The following SLC15A1 variants were observed in gnomAD, a reference collection of about 807,000 sequenced individuals.
SLC15A1 encodes the protein solute carrier family 15 member 1.
In SLC15A1, 83 loss-of-function variants were observed where a neutral mutation model predicts 92.9. The observed-to-expected ratio is 0.89, with a 90% CI of 0.75 to 1.07. SLC15A1 has a LOEUF of 1.07. SLC15A1 is among the 50% of genes least tolerant of loss of function. SLC15A1 has a pLI of 0.00. For synonymous variants in SLC15A1, 322 were observed against 318.2 expected (o/e 1.01, Z -0.13); for missense variants, 857 against 880.1 (o/e 0.97, Z 0.33).
chr13:98,692,730 G>C (rs1052505374), intron 18 of SLC15A1, among the ~76,000 whole-genome samples: 3 of 152,034 alleles, frequency 2.0e-5, no homozygotes, highest in South Asian at 2.1e-4. Context: ...AATGAATAAG[G>C]GTACTAATTT....
chr13:98,688,397 T>A, intron 19 of SLC15A1, 41 bp from the exon 20 acceptor site: 1 of 1,606,098 alleles, frequency 6.2e-7, no homozygotes, highest in Non-Finnish European at 8.5e-7. Flanking sequence ...ATTCTTGGCA[T>A]TAAAAATTTC....
intron 18 of SLC15A1, among the ~76,000 whole-genome samples, chr13:98,690,654 G>T (rs368779630): frequency 6.6e-6 from 1 of 152,146 alleles, no homozygotes; most frequent in African/African-American, 2.4e-5. Context: ...TGGGGTCTGG[G>T]AAATGCGTCC....
intron 18 of SLC15A1, among the ~76,000 whole-genome samples, chr13:98,697,636 T>TA (rs903323424): frequency 9.9e-5 from 14 of 140,852 alleles, no homozygotes; most frequent in East Asian, 4.2e-4. Flanking sequence ...TTTTTTTTTT[T>TA]AAATCTTTTA....
intron 7 of SLC15A1, 73 bp from the exon 8 acceptor site, chr13:98,719,393 C>T (rs2139589945): frequency 9.3e-7 from 1 of 1,072,598 alleles, no homozygotes; most frequent in Non-Finnish European, 1.4e-6. Context: ...TGTAAAGATC[C>T]CTCACTGATA....
chr13:98,726,046 G>C, intron 4 of SLC15A1, 77 bp downstream of exon 4: 1 of 1,542,444 alleles, frequency 6.5e-7, no homozygotes, highest in Non-Finnish European at 8.8e-7. Context: ...ATCATTCCCA[G>C]ATTCCACCAT....
intron 17 of SLC15A1, 77 bp from the exon 18 acceptor site, chr13:98,702,606 C>T: frequency 8.2e-7 from 1 of 1,226,004 alleles, no homozygotes; most frequent in Non-Finnish European, 1.2e-6. Flanking sequence ...ATATTTCAGT[C>T]TTTGAGAAGG....
chr13:98,688,886 T>G (rs116635650), intron 18 of SLC15A1, among the ~76,000 whole-genome samples: 2,686 of 152,310 alleles, frequency 0.018, 98 homozygotes, highest in African/African-American at 0.062. Context: ...AAGTAGATAC[T>G]GAGCCTCTTC....
intron 16 of SLC15A1, among the ~76,000 whole-genome samples, chr13:98,704,691 C>A (rs1168693763): frequency 1.3e-5 from 2 of 152,104 alleles, no homozygotes; most frequent in Non-Finnish European, 2.9e-5. Context: ...TTGCTTTTAT[C>A]AAAAATAAAT....
chr13:98,718,680 G>T (rs919637755), intron 8 of SLC15A1, among the ~76,000 whole-genome samples: 15 of 152,120 alleles, frequency 9.9e-5, no homozygotes, highest in African/African-American at 3.6e-4. Context: ...GTGGTGGCCG[G>T]TGCCTGTAAT....
intron 1 of SLC15A1, among the ~76,000 whole-genome samples, chr13:98,742,158 C>G (rs1271998031): frequency 6.6e-6 from 1 of 152,200 alleles, no homozygotes; most frequent in African/African-American, 2.4e-5. Context: ...TCCCTCAGGA[C>G]CCCCGAGGAT....
intron 1 of SLC15A1, 90 bp downstream of exon 1, chr13:98,752,505 C>A (rs2088555363): frequency 1.7e-6 from 2 of 1,180,096 alleles, no homozygotes; most frequent in Middle Eastern, 3.1e-4. Flanking sequence ...CCGCCGCGTA[C>A]CCTTCGCGCC....
chr13:98,730,859 T>A (rs1406957278), intron 1 of SLC15A1, among the ~76,000 whole-genome samples: 1 of 152,240 alleles, frequency 6.6e-6, no homozygotes, highest in African/African-American at 2.4e-5. Flanking sequence ...GCTCCCAGGC[T>A]GACCTGCAAG....
Position 98,727,391 on chromosome 13 carries a change from A to G in SLC15A1, c.5-532T>C, listed in dbSNP as rs2088311354. 5.9e-5 allele frequency among the ~76,000 whole-genome samples: 9 copies of G among 152,154 alleles called. No homozygotes were observed. The South Asian group carries it at 1.9e-3, about 32-fold the overall frequency. ...GATGTGCCTACATCACCATACTGTA[A>G]TGATGGGCAGTTTATATTTTTGCTT... On this transcript the variant is annotated intron_variant, in intron 1 of 22. Transcript: ENST00000376503.
intron 7 of SLC15A1, 110 bp from the exon 8 acceptor site, chr13:98,719,430 C>G: frequency 1.4e-6 from 1 of 697,204 alleles, no homozygotes; most frequent in Admixed American, 2.6e-5. Flanking sequence ...ACATACTGTT[C>G]TAGACATATC....
rs114799805 is a variant in SLC15A1, at chr13:98,716,007, G to A, written c.641-47C>T. The A allele has an allele frequency of 1.9e-3, 2,843 of 1,500,196 alleles. 48 individuals carry two copies. The African/African-American group carries it at 0.035, about 18-fold the overall frequency. The allele number at this position is 1,500,196 out of a possible 1,614,324, so 92.9% of individuals were successfully genotyped here. The stretch of plus-strand genomic sequence containing the variant: ...ATGTCAGCAAAGCATGTGACCGAGC[G>A]CCCTGTGGCCTAGAGAGATGCGCCT... On this transcript the variant is annotated intron_variant, in intron 8 of 22. Coordinates refer to ENST00000376503, the MANE Select transcript of SLC15A1 (RefSeq NM_005073.4).
chr13:98,686,930 T>C (rs1407166467), intron 21 of SLC15A1, among the ~76,000 whole-genome samples: 1 of 149,940 alleles, frequency 6.7e-6, no homozygotes, highest in African/African-American at 2.5e-5. Context: ...ATAATTCTTT[T>C]AAACTTTTTC....
intron 1 of SLC15A1, among the ~76,000 whole-genome samples, chr13:98,741,815 C>T (rs2139609911): frequency 6.6e-6 from 1 of 151,458 alleles, no homozygotes; most frequent in African/African-American, 2.4e-5. Flanking sequence ...CATAAACAAA[C>T]AGGGCCATAA....
intron 1 of SLC15A1, among the ~76,000 whole-genome samples, chr13:98,748,135 C>T (rs1342857221): frequency 6.6e-6 from 1 of 152,142 alleles, no homozygotes; most frequent in Non-Finnish European, 1.5e-5. Context: ...TGTTCCTGCC[C>T]CCTGAGGATA....
chr13:98,719,140 C>G, intron 8 of SLC15A1, 97 bp downstream of exon 8: 1 of 782,844 alleles, frequency 1.3e-6, no homozygotes. Flanking sequence ...CTTTTTGTTG[C>G]CACTTGTTAC....
Sources: allele counts gnomAD v4.1 joint callset (sites outside exome capture counted in the v4.1 genomes callset), GRCh38; gene constraint gnomAD v4.1.1; transcripts MANE v1.5; gene names NCBI Gene and HGNC (gene_info 2026-07-23, HGNC 2026-07-21).